NFASC: variants seen among roughly 807,000 people sequenced by gnomAD.
NFASC encodes neurofascin.
Under a neutral mutation model 147.5 loss-of-function variants are expected in NFASC, and 43 were observed. That is an observed-to-expected ratio of 0.29 (90% CI 0.23 to 0.38). The LOEUF (loss-of-function observed/expected upper bound fraction) is 0.38, where lower values mean the gene tolerates loss of function less well. Among genes scored for constraint, NFASC ranks in the 10% least tolerant of loss-of-function variants. NFASC has a pLI of 1.00. For missense variants in NFASC, 1,320 were observed against 1,689.0 expected (o/e 0.78, Z 3.83); for synonymous variants, 622 against 665.5 (o/e 0.93, Z 1.01).
intron 1 of NFASC, among the ~76,000 whole-genome samples, chr1:204,880,878 C>T (rs1413241129): frequency 1.3e-5 from 2 of 152,202 alleles, no homozygotes; most frequent in Non-Finnish European, 2.9e-5. Flanking sequence ...TCCATTTGCA[C>T]CTTGCTGACT....
intron 1 of NFASC, among the ~76,000 whole-genome samples, chr1:204,910,278 T>C (rs773276604): frequency 9.8e-5 from 15 of 152,320 alleles, no homozygotes; most frequent in South Asian, 4.1e-4. Context: ...AGTTTTAGCA[T>C]ACATGTCCTA....
intron 1 of NFASC, among the ~76,000 whole-genome samples, chr1:204,860,435 G>C (rs2076557576): frequency 6.6e-6 from 1 of 152,198 alleles, no homozygotes; most frequent in Non-Finnish European, 1.5e-5. Flanking sequence ...TCACTTGTCT[G>C]CCACCTGTGA....
At chr1:204,995,349 TG>T (rs1558411054) in intron 24 of NFASC, among the ~76,000 whole-genome samples, 1 of 149,676 alleles carries the variant, frequency 6.7e-6, no homozygotes, top group Admixed American at 6.6e-5. Context: ...TGTGTGTGTG[TG>T]TGTATGTGTG....
chr1:204,947,331 A>C (rs74138670), intron 3 of NFASC, among the ~76,000 whole-genome samples: 1 of 152,152 alleles, frequency 6.6e-6, no homozygotes, highest in Admixed American at 6.5e-5. Flanking sequence ...CAGACCTCCC[A>C]TGTGTGCTGA....
At chr1:204,879,094 C>T (rs2079603676) in intron 1 of NFASC, among the ~76,000 whole-genome samples, 4 of 152,166 alleles carry the variant, frequency 2.6e-5, no homozygotes, top group Admixed American at 2.6e-4. Context: ...AAGTAGGGAC[C>T]AACCAGTGCA....
intron 1 of NFASC, among the ~76,000 whole-genome samples, chr1:204,837,764 C>G (rs1056094648): frequency 2.6e-5 from 4 of 152,036 alleles, no homozygotes; most frequent in African/African-American, 9.7e-5. Flanking sequence ...CCAAGGGGAT[C>G]TCGAGAATGA....
chr1:204,839,126 C>T (rs182363064), intron 1 of NFASC, among the ~76,000 whole-genome samples: 245 of 152,284 alleles, frequency 1.6e-3, no homozygotes, highest in African/African-American at 5.8e-3. Context: ...TTCTTGTTTT[C>T]TCCAATAGAA....
intron 1 of NFASC, among the ~76,000 whole-genome samples, chr1:204,848,426 A>G (rs572923724): frequency 1.3e-5 from 2 of 152,148 alleles, no homozygotes; most frequent in East Asian, 3.9e-4. Flanking sequence ...GGATCTCCCT[A>G]TATTGCTCAG....
chr1:204,868,577 G>A (rs2077308261), intron 1 of NFASC, among the ~76,000 whole-genome samples: 2 of 152,162 alleles, frequency 1.3e-5, no homozygotes, highest in South Asian at 2.1e-4. Flanking sequence ...GTTCCCTATC[G>A]GCATTAGGCT....
chr1:204,936,732 G>A (rs2092879874), intron 2 of NFASC, among the ~76,000 whole-genome samples: 1 of 152,212 alleles, frequency 6.6e-6, no homozygotes, highest in Non-Finnish European at 1.5e-5. Context: ...CCATGTGGCA[G>A]CCAGAGTGGT....
rs760132412 is a variant in NFASC, at chr1:205,009,707, G to A, written c.3421+19G>A. ...TACCCAGGTGAGATGTGCAAGAGGC[G>A]TGGGCTTGCAGGGTGGGGCACGTCC... On this transcript the variant is annotated intron_variant, in intron 28 of 29. Coordinates refer to ENST00000339876, the MANE Select transcript of NFASC (RefSeq NM_001005388.3). 5.3e-5 allele frequency: 86 copies of A among 1,611,322 alleles called. No individual in the cohort carries two copies. The highest frequency in any genetic ancestry group is 1.6e-4 in the Middle Eastern group (1 of 6,072).
At chr1:204,911,265 C>T (rs142217896) in intron 1 of NFASC, among the ~76,000 whole-genome samples, 2 of 152,280 alleles carry the variant, frequency 1.3e-5, no homozygotes, top group African/African-American at 4.8e-5. Context: ...AAATATAGAA[C>T]CAGCCTTGCA....
intron 7 of NFASC, among the ~76,000 whole-genome samples, chr1:204,957,196 C>T (rs1437783482): frequency 2.0e-5 from 3 of 152,218 alleles, no homozygotes; most frequent in African/African-American, 2.4e-5. Flanking sequence ...TGAGTGACTC[C>T]TATATGCCGA....
intron 1 of NFASC, among the ~76,000 whole-genome samples, chr1:204,904,818 A>G (rs2085438182): frequency 1.3e-5 from 2 of 152,192 alleles, no homozygotes; most frequent in African/African-American, 4.8e-5. Flanking sequence ...TCATTGGTCC[A>G]TGCAGGTCCC....
At chr1:204,978,127 A>G (rs1190415281) in intron 17 of NFASC, among the ~76,000 whole-genome samples, 4 of 152,164 alleles carry the variant, frequency 2.6e-5, no homozygotes, top group Non-Finnish European at 5.9e-5. Context: ...TTTACAATCT[A>G]CACACACATG....
chr1:204,995,700 A>G (rs993604462), intron 24 of NFASC, among the ~76,000 whole-genome samples: 1 of 152,090 alleles, frequency 6.6e-6, no homozygotes, highest in Non-Finnish European at 1.5e-5. Flanking sequence ...CTCCTTCTCC[A>G]AAGAGGGACT....
In NFASC at chr1:204,877,091, T is replaced by A. The variant is rs139776249; in HGVS notation, c.-199-43541T>A. ...ATTTATATATATATAATATATTTAT[T>A]TATATATTTATATATAAATAATATT... is the stretch of plus-strand genomic sequence containing the variant. On this transcript the variant is annotated intron_variant, in intron 1 of 29. Transcript: ENST00000339876. 3.1e-3 allele frequency among the ~76,000 whole-genome samples: 347 copies of A among 110,282 alleles called. 35 individuals are homozygous for A. The East Asian group carries it at 0.054, about 17-fold the overall frequency. 72.3% of individuals were successfully genotyped at this position (110,282 alleles called of 152,430 possible). A position where few individuals can be genotyped will look rare whatever the true frequency, so the allele number is the denominator to read the frequency against.
At chr1:204,971,536 G>T (rs952620785) in intron 11 of NFASC, among the ~76,000 whole-genome samples, 3 of 152,130 alleles carry the variant, frequency 2.0e-5, no homozygotes, top group South Asian at 2.1e-4. Context: ...CAGGTGGAGA[G>T]GGGGGGACAC....
chr1:204,934,073 G>T (rs1203059128), intron 2 of NFASC, among the ~76,000 whole-genome samples: 2 of 149,254 alleles, frequency 1.3e-5, no homozygotes, highest in Non-Finnish European at 3.0e-5. Flanking sequence ...AAGAGGCGGA[G>T]GTTGCAATGA....
Sources: gnomAD v4.1 joint callset for allele counts (sites outside exome capture counted in the v4.1 genomes callset) on GRCh38, gnomAD v4.1.1 for gene constraint, MANE v1.5 for transcripts, NCBI Gene and HGNC (gene_info 2026-07-23, HGNC 2026-07-21) for gene names.